Variants in HOMER2 observed in about 807,000 individuals in gnomAD.
HOMER2 encodes homer scaffold protein 2.
In HOMER2, 27 loss-of-function variants were observed where a neutral mutation model predicts 47.0. That is an observed-to-expected ratio of 0.57 (90% CI 0.42 to 0.79). The LOEUF is 0.79. HOMER2 is among the 30% of genes least tolerant of loss of function. HOMER2 has a pLI of 0.00. For missense variants in HOMER2, 443 were observed against 435.0 expected, an observed-to-expected ratio of 1.02 and a Z score of -0.16; for synonymous variants, 161 against 163.8, an observed-to-expected ratio of 0.98 and a Z score of 0.13.
chr15:82,906,438 T>C lies in HOMER2; in HGVS notation c.6-13597A>G, dbSNP rs1025017932. 9.2e-5 allele frequency among the ~76,000 whole-genome samples: 14 copies of C among 152,102 alleles called. No homozygotes were observed. The East Asian group carries it at 2.7e-3, about 29-fold the overall frequency. On this transcript the variant is annotated intron_variant, in intron 1 of 8. Transcript: ENST00000450735. The stretch of plus-strand genomic sequence containing the variant: ...GCCTGACTACAAGAAATCCACTTTT[T>C]TTTTTTTTTTTGAGATGGAGTTTTG...
At chr15:82,968,611 T>C (rs1306234311) in intron 1 of HOMER2, among the ~76,000 whole-genome samples, 5 of 152,228 alleles carry the variant, frequency 3.3e-5, no homozygotes, top group Non-Finnish European at 5.9e-5. Context: ...TGTTCTGCAG[T>C]TGGTCTTACT....
chr15:82,908,937 C>T (rs948879758), intron 1 of HOMER2, among the ~76,000 whole-genome samples: 4 of 151,924 alleles, frequency 2.6e-5, no homozygotes, highest in Non-Finnish European at 4.4e-5. Context: ...TAGAAGACAA[C>T]ACCAGGGAGC....
chr15:82,925,414 G>T (rs2053830854), intron 1 of HOMER2, among the ~76,000 whole-genome samples: 1 of 152,130 alleles, frequency 6.6e-6, no homozygotes, highest in Non-Finnish European at 1.5e-5. Flanking sequence ...TACCACAACA[G>T]GTCTCTTCCT....
intron 1 of HOMER2, among the ~76,000 whole-genome samples, chr15:82,982,660 T>G (rs1027704346): frequency 6.6e-6 from 1 of 152,176 alleles, no homozygotes; most frequent in African/African-American, 2.4e-5. Context: ...TATTTGGGGA[T>G]TAGGGATGCC....
chr15:82,933,806 C>T (rs1244994159), intron 1 of HOMER2, among the ~76,000 whole-genome samples: 1 of 152,186 alleles, frequency 6.6e-6, no homozygotes, highest in East Asian at 1.9e-4. Context: ...GGGAGCTCAC[C>T]TTCCACTCGA....
intron 2 of HOMER2, among the ~76,000 whole-genome samples, chr15:82,880,231 AAT>A (rs2052477814): frequency 6.6e-6 from 1 of 152,260 alleles, no homozygotes; most frequent in Non-Finnish European, 1.5e-5. Context: ...AAAAGAGTCA[AAT>A]ATCTGCAGCA....
chr15:82,944,666 A>AAAGAG (rs2054334591), intron 1 of HOMER2, among the ~76,000 whole-genome samples: 1 of 152,182 alleles, frequency 6.6e-6, no homozygotes, highest in Admixed American at 6.5e-5. Context: ...CCCGTGTATC[A>AAAGAG]AAGAGAAGTT....
intron 1 of HOMER2, among the ~76,000 whole-genome samples, chr15:82,982,979 T>C (rs2030446546): frequency 6.6e-6 from 1 of 152,228 alleles, no homozygotes; most frequent in Non-Finnish European, 1.5e-5. Flanking sequence ...CCTTGATTTT[T>C]GACGGGGTTA....
chr15:82,967,427 C>T (rs144474673), intron 1 of HOMER2, among the ~76,000 whole-genome samples: 3 of 152,102 alleles, frequency 2.0e-5, no homozygotes, highest in Admixed American at 2.0e-4. Context: ...ATACAGTTTG[C>T]TACAAAACAA....
chr15:82,851,432 T>C (rs1004023948), intron 7 of HOMER2, among the ~76,000 whole-genome samples: 1 of 152,254 alleles, frequency 6.6e-6, no homozygotes, highest in African/African-American at 2.4e-5. Context: ...ACGTGAAGTC[T>C]GTACACACCA....
chr15:82,891,970 A>G (rs2052722807), intron 2 of HOMER2, among the ~76,000 whole-genome samples: 1 of 151,816 alleles, frequency 6.6e-6, no homozygotes, highest in Admixed American at 6.6e-5. Context: ...AAGACAGAAA[A>G]CCAGCAGGTC....
At chr15:82,974,827 C>T (rs1481604165) in intron 1 of HOMER2, among the ~76,000 whole-genome samples, 1 of 152,022 alleles carries the variant, frequency 6.6e-6, no homozygotes, top group Non-Finnish European at 1.5e-5. Flanking sequence ...CCCAGCACTT[C>T]GGGAGGCCGA....
chr15:82,928,979 G>A (rs61146350), intron 1 of HOMER2, among the ~76,000 whole-genome samples: 1 of 60,640 alleles, frequency 1.6e-5, no homozygotes, highest in Non-Finnish European at 3.0e-5. Context: ...GCATCTTTGA[G>A]ACAATCAACA....
rs75221386 is a variant in HOMER2 at position 82,856,208 on chromosome 15, C to G, written c.495-1408G>C. Reference sequence around the variant, plus strand: ...TTAAGCTAATTTAGGGAAATAGCTTCCTGCCCATTCTTGTAGTACCTCACT... The same window carrying G: ...TTAAGCTAATTTAGGGAAATAGCTTGCTGCCCATTCTTGTAGTACCTCACT... On this transcript the variant is annotated intron_variant, in intron 5 of 8. Transcript: ENST00000450735. 4.5e-3 allele frequency among the ~76,000 whole-genome samples: 689 copies of G among 152,302 alleles called. 6 individuals carry two copies. Among genetic ancestry groups the G allele is most frequent in the African/African-American group, 0.016 (660 of 41,558 alleles).
chr15:82,843,587 T>A (rs1425916301), exon 2 of HOMER2: 6 of 151,526 alleles, frequency 4.0e-5, no homozygotes, highest in Non-Finnish European at 7.4e-5. Flanking sequence ...TAAACGTTTT[T>A]AAAAAGCCAT....
At chr15:82,865,125 G>C (rs184744867) in intron 3 of HOMER2, among the ~76,000 whole-genome samples, 15 of 152,350 alleles carry the variant, frequency 9.8e-5, no homozygotes, top group Middle Eastern at 6.8e-3. Flanking sequence ...CAGCACCCTA[G>C]GGTAAGCAGT....
rs1456277846 is a variant in HOMER2 at position 82,854,601 on chromosome 15, C to T, written c.651+43G>A. 2.5e-6 allele frequency: 4 copies of T among 1,581,992 alleles called. No individual in the cohort carries two copies. In the African/African-American group the frequency reaches 5.4e-5, roughly 21 times the overall value. On this transcript the variant is annotated intron_variant, in intron 6 of 8. Coordinates refer to ENST00000450735, the MANE Select transcript of HOMER2 (RefSeq NM_004839.4). ...GTGGGTGCCCCCATCTCCCACTGCC[C>T]ACACCAGCTGGCCTCGGGGCTCACT...
intron 1 of HOMER2, among the ~76,000 whole-genome samples, chr15:82,924,209 T>C (rs1042134284): frequency 1.3e-5 from 2 of 152,146 alleles, no homozygotes; most frequent in Admixed American, 1.3e-4. Context: ...GGCTGCTGTG[T>C]GGGTAACGGG....
At chr15:82,925,591 A>C (rs114592496) in intron 1 of HOMER2, among the ~76,000 whole-genome samples, 133 of 152,216 alleles carry the variant, frequency 8.7e-4, no homozygotes, top group African/African-American at 3.2e-3. Flanking sequence ...TGTTCAGAGA[A>C]ATTTCCCTTT....
Sources: allele counts gnomAD v4.1 joint callset (sites outside exome capture counted in the v4.1 genomes callset), GRCh38; gene constraint gnomAD v4.1.1; transcripts MANE v1.5; gene names NCBI Gene and HGNC (gene_info 2026-07-23, HGNC 2026-07-21).